MAPK10: variants seen among roughly 807,000 people sequenced by gnomAD.
The protein encoded by MAPK10 is JNK3 alpha protein kinase.
MAPK10 carries 25 observed loss-of-function variants against 59.3 expected under a neutral mutation model. That is an observed-to-expected ratio of 0.42 (90% CI 0.31 to 0.59). The LOEUF (loss-of-function observed/expected upper bound fraction) is 0.59. MAPK10 is among the 20% of genes least tolerant of loss of function. The pLI is 0.15. For synonymous variants in MAPK10, 190 were observed against 200.5 expected (o/e 0.95, Z 0.44); for missense variants, 351 against 568.9 (o/e 0.62, Z 3.90).
intron 4 of MAPK10, among the ~76,000 whole-genome samples, chr4:86,133,107 G>A (rs1201841016): frequency 1.3e-5 from 2 of 152,008 alleles, no homozygotes; most frequent in Non-Finnish European, 2.9e-5. Flanking sequence ...AATGAATTGT[G>A]AAGCTGAAAA....
chr4:86,293,812 TCAAGAGGACAGCAC>T (rs2095289147), intron 2 of MAPK10, among the ~76,000 whole-genome samples: 1 of 152,066 alleles, frequency 6.6e-6, no homozygotes, highest in Admixed American at 6.5e-5. Context: ...TCACTCACTA[TCAAGAGGACAGCAC>T]CAAGAGGATG....
At chr4:86,135,761 A>C (rs1426486985) in intron 4 of MAPK10, among the ~76,000 whole-genome samples, 3 of 152,104 alleles carry the variant, frequency 2.0e-5, no homozygotes, top group African/African-American at 7.2e-5. Flanking sequence ...CATTCAAACA[A>C]AAGGCAAAGA....
intron 1 of MAPK10, among the ~76,000 whole-genome samples, chr4:86,460,451 G>A (rs1417605874): frequency 6.6e-6 from 1 of 152,096 alleles, no homozygotes; most frequent in Non-Finnish European, 1.5e-5. Context: ...CTGGATATGT[G>A]ACAGAGATCA....
At chr4:86,442,272 A>C (rs1564875686) in intron 1 of MAPK10, among the ~76,000 whole-genome samples, 1 of 152,220 alleles carries the variant, frequency 6.6e-6, no homozygotes, top group African/African-American at 2.4e-5. Flanking sequence ...TCAATATTTC[A>C]ATCTTTTTTC....
chr4:86,362,659 A>C (rs141270338), upstream of MAPK10, among the ~76,000 whole-genome samples: 142 of 152,288 alleles, frequency 9.3e-4, 4 homozygotes, highest in East Asian at 0.012. Context: ...TGACAAAGGA[A>C]AATTTATAAA....
At chr4:86,251,925 A>C (rs1308569904) in intron 2 of MAPK10, among the ~76,000 whole-genome samples, 4 of 123,912 alleles carry the variant, frequency 3.2e-5, no homozygotes, top group Non-Finnish European at 6.3e-5. Flanking sequence ...TCTGATGGCC[A>C]GTGATGATGA....
At chr4:86,503,061 T>C (rs998008285) in intron 1 of MAPK10, among the ~76,000 whole-genome samples, 2 of 152,066 alleles carry the variant, frequency 1.3e-5, no homozygotes, top group Non-Finnish European at 2.9e-5. Flanking sequence ...AGAATAATAA[T>C]TTAAAGGTGA....
chr4:86,207,362 G>T (rs1452621158), intron 2 of MAPK10, among the ~76,000 whole-genome samples: 4 of 151,532 alleles, frequency 2.6e-5, no homozygotes, highest in African/African-American at 7.3e-5. Flanking sequence ...GTTGTAGATA[G>T]GCGGTGTTAT....
At chr4:86,532,083 C>CAT (rs34903931) in intron 1 of MAPK10, among the ~76,000 whole-genome samples, 1,649 of 146,866 alleles carry the variant, frequency 0.011, 6 homozygotes, top group Non-Finnish European at 0.014. Flanking sequence ...TATATATATA[C>CAT]ATATATATAT....
intron 2 of MAPK10, among the ~76,000 whole-genome samples, chr4:86,206,799 A>G (rs950022769): frequency 1.3e-5 from 2 of 152,146 alleles, no homozygotes; most frequent in Non-Finnish European, 2.9e-5. Context: ...ATGGCCAGTG[A>G]TGATGAGCAT....
At chr4:86,248,467 C>T (rs1472267423) in intron 2 of MAPK10, among the ~76,000 whole-genome samples, 2 of 152,066 alleles carry the variant, frequency 1.3e-5, no homozygotes, top group East Asian at 3.9e-4. Flanking sequence ...TACTAGGCAC[C>T]TACCATATGC....
chr4:86,188,892 C>T lies in MAPK10; in HGVS notation c.66+5444G>A, dbSNP rs575839629. 2.6e-4 allele frequency among the ~76,000 whole-genome samples: 39 copies of T among 152,184 alleles called. No homozygotes were observed. The South Asian group carries it at 7.5e-3, about 29-fold the overall frequency. On this transcript the variant is annotated intron_variant, in intron 3 of 13. Coordinates refer to ENST00000641462, the MANE Select transcript of MAPK10 (RefSeq NM_138982.4). ...ACGGTTTTTATGGTTTTAGGTCTTA[C>T]GTTTAAGTCTTTAATCCATCTTGAG...
At chr4:86,068,695 T>G (rs2047186467) in intron 9 of MAPK10, among the ~76,000 whole-genome samples, 1 of 152,166 alleles carries the variant, frequency 6.6e-6, no homozygotes, top group Non-Finnish European at 1.5e-5. Context: ...AGAAAGTACA[T>G]TAAGCATGGG....
At chr4:86,310,857 A>T (rs914532245) in intron 2 of MAPK10, among the ~76,000 whole-genome samples, 3 of 151,780 alleles carry the variant, frequency 2.0e-5, no homozygotes, top group African/African-American at 7.3e-5. Context: ...CATGATGGCA[A>T]TTTTAATTAT....
At chr4:86,369,784 AATT>A (rs1738476543) in intron 1 of MAPK10, among the ~76,000 whole-genome samples, 1 of 152,216 alleles carries the variant, frequency 6.6e-6, no homozygotes, top group Non-Finnish European at 1.5e-5. Flanking sequence ...AGTGCAAGAT[AATT>A]AAAACATTTT....
At chr4:86,307,784 G>A (rs1032078396) in intron 2 of MAPK10, among the ~76,000 whole-genome samples, 11 of 152,000 alleles carry the variant, frequency 7.2e-5, no homozygotes, top group Admixed American at 2.0e-4. Context: ...TCATTTCCAG[G>A]GTGAAAAGTG....
chr4:86,379,566 C>G (rs1308008562), intron 1 of MAPK10, among the ~76,000 whole-genome samples: 1 of 152,180 alleles, frequency 6.6e-6, no homozygotes, highest in Non-Finnish European at 1.5e-5. Context: ...ACACCTGGCC[C>G]ACCCAGGGAG....
chr4:86,182,211 T>A (rs561027373), intron 3 of MAPK10, among the ~76,000 whole-genome samples: 14 of 152,154 alleles, frequency 9.2e-5, no homozygotes, highest in East Asian at 3.9e-4. Context: ...TTAAAAAAAA[T>A]AATAAGAGTA....
In MAPK10 at chr4:86,483,587, A is replaced by T. The variant is rs551108626; in HGVS notation, c.-263+110323T>A. On this transcript the variant is annotated intron_variant, in intron 1 of 4. Coordinates refer to the MAPK10 transcript ENST00000502302. ...ATATTATTAAAATGGAATATATAAT[A>T]TTTATACAAAAATTATTAAAACATT... is the stretch of plus-strand genomic sequence containing the variant. 1.6e-4 allele frequency among the ~76,000 whole-genome samples: 25 copies of T among 151,960 alleles called. 1 individual carries two copies. The highest frequency in any genetic ancestry group is 6.0e-4 in the African/African-American group (25 of 41,512).
Sources: allele counts gnomAD v4.1 joint callset (sites outside exome capture counted in the v4.1 genomes callset), GRCh38; gene constraint gnomAD v4.1.1; transcripts MANE v1.5; gene names NCBI Gene and HGNC (gene_info 2026-07-23, HGNC 2026-07-21).